The following RPL24 variants were observed in gnomAD, a reference collection of about 807,000 sequenced individuals.
RPL24 encodes ribosomal protein L24.
RPL24 carries 7 observed loss-of-function variants against 26.4 expected under a neutral mutation model. That is an observed-to-expected ratio of 0.27 (90% CI 0.15 to 0.50). The LOEUF (loss-of-function observed/expected upper bound fraction) is 0.50. RPL24 is among the 20% of genes least tolerant of loss of function. RPL24 has a pLI of 0.98. For synonymous variants in RPL24, 67 were observed against 65.2 expected (o/e 1.03, Z -0.13); for missense variants, 109 against 194.9 (o/e 0.56, Z 2.62).
intron 2 of RPL24, chr3:101,686,184 G>A: frequency 1.7e-6 from 1 of 575,260 alleles, no homozygotes; most frequent in South Asian, 2.2e-5. Flanking sequence ...GTCCTTCTGG[G>A]AAGCATTCTG....
chr3:101,684,957 G>A (rs370634071), intron 3 of RPL24, among the ~76,000 whole-genome samples: 5 of 150,916 alleles, frequency 3.3e-5, no homozygotes, highest in East Asian at 3.9e-4. Flanking sequence ...GAGTACAGCC[G>A]CTGCCACCAA....
intron 3 of RPL24, among the ~76,000 whole-genome samples, chr3:101,684,295 A>C (rs1387098655): frequency 6.6e-6 from 1 of 151,806 alleles, no homozygotes; most frequent in Non-Finnish European, 1.5e-5. Context: ...CCTCCCAAGT[A>C]GCTGGGACTA....
At chr3:101,683,739 T>C (rs1405230753) in intron 3 of RPL24, among the ~76,000 whole-genome samples, 3 of 151,470 alleles carry the variant, frequency 2.0e-5, no homozygotes, top group African/African-American at 7.3e-5. Context: ...GACTCAGCCT[T>C]GCTCTGTTGC....
intron 3 of RPL24, 102 bp from the exon 4 acceptor site, chr3:101,683,009 G>A: frequency 9.8e-7 from 1 of 1,016,148 alleles, no homozygotes; most frequent in Non-Finnish European, 1.4e-6. Context: ...AGTATTTTAA[G>A]ATTCATATTC....
At chr3:101,682,530 C>T in intron 4 of RPL24, 38 bp from the exon 5 acceptor site, 1 of 1,522,962 alleles carries the variant, frequency 6.6e-7, no homozygotes, top group Non-Finnish European at 9.1e-7. Context: ...AAGCACTTTA[C>T]TCCTTAGTGG....
intron 5 of RPL24, 101 bp downstream of exon 5, chr3:101,682,328 G>A (rs746752645): frequency 2.5e-5 from 23 of 920,630 alleles, no homozygotes; most frequent in South Asian, 1.1e-4. Context: ...ATCAGATCAC[G>A]CCACTGCACC....
chr3:101,682,885 G>T lies in RPL24; in HGVS notation c.215C>A (p.Thr72Asn), dbSNP rs752772018. The T allele has an allele frequency of 2.5e-6, 4 of 1,613,306 alleles. No individual in the cohort carries two copies. The highest frequency in any genetic ancestry group is 3.4e-6 in the Non-Finnish European group (4 of 1,179,512). The stretch of plus-strand genomic sequence containing the variant: ...CCTCTGGAATTTGACTGCTCGGCGG[G>T]TTCTTTTCTTTTGAATTTCTTCCTG... The part of the protein sequence containing the change: ...GQSEEIQKKR[T>N]RRAVKFQRAI... Residue 72 changes from threonine (T) to asparagine (N), a missense_variant, in exon 4 of 6, where the codon ACC becomes AAC. Thr to Asn is a moderately conservative substitution (Grantham distance 65). Transcript: ENST00000394077.
At chr3:101,684,332 A>G (rs534468219) in intron 3 of RPL24, among the ~76,000 whole-genome samples, 1 of 149,896 alleles carries the variant, frequency 6.7e-6, no homozygotes, top group African/African-American at 2.5e-5. Flanking sequence ...TGTCCGGCTA[A>G]TTTTTTTTTG....
In RPL24 at chr3:101,685,944, C is replaced by CA; in HGVS notation, c.82-17dup. On this transcript the variant is annotated splice_polypyrimidine_tract_variant and intron_variant, in intron 2 of 5. Coordinates refer to ENST00000394077, the MANE Select transcript of RPL24 (RefSeq NM_000986.4). The stretch of plus-strand genomic sequence containing the variant: ...ACTGGAAAACCTAGAGTGACAAATG[C>CA]AAAGGAATTACTATTTAACTATACA... The CA allele has an allele frequency of 6.7e-7, 1 of 1,502,498 alleles. No individual in the cohort carries two copies. The highest frequency in any genetic ancestry group is 9.3e-7 in the Non-Finnish European group (1 of 1,078,522). 93.1% of individuals were successfully genotyped at this position (1,502,498 alleles called of 1,614,324 possible).
At chr3:101,686,012 A>G (rs1937336769) in intron 2 of RPL24, 84 bp from the exon 3 acceptor site, 1 of 885,914 alleles carries the variant, frequency 1.1e-6, no homozygotes, top group South Asian at 1.4e-5. Context: ...TAGAAGATCA[A>G]TATGCTAGTT....
At chr3:101,681,459 T>A (rs1359518954) in intron 5 of RPL24, 4 of 483,160 alleles carry the variant, frequency 8.3e-6, no homozygotes, top group African/African-American at 7.8e-5. Flanking sequence ...CAGTGTAGGA[T>A]CCTGAAATGC....
chr3:101,686,644 C>T lies in RPL24; in HGVS notation c.5+28G>A, dbSNP rs550109310. 4 of 1,614,186 alleles carry T rather than the reference C, an allele frequency of 2.5e-6. No individual in the cohort carries two copies. The South Asian group carries it at 3.3e-5, about 13-fold the overall frequency. Reference sequence around the variant, plus strand: ...GAGGAGTTCTGCCCGAGGATGTAAGCGGATTGGGAACCACGGGTCGTGCTT... The same window carrying T: ...GAGGAGTTCTGCCCGAGGATGTAAGTGGATTGGGAACCACGGGTCGTGCTT... On this transcript the variant is annotated intron_variant, in intron 1 of 5. Transcript: ENST00000394077.
chr3:101,682,546 C>CTTAT lies in RPL24; in HGVS notation c.330-58_330-55dup. On this transcript the variant is annotated intron_variant, in intron 4 of 5. Transcript: ENST00000394077. ...AGCACTTTACTCCTTAGTGGTACAA[C>CTTAT]TTATTATTAGAGTTAGACTGTACTG... The CTTAT allele has an allele frequency of 2.1e-6, 3 of 1,426,096 alleles. 1 individual carries two copies. Among genetic ancestry groups the CTTAT allele is most frequent in the South Asian group, 2.3e-5 (2 of 85,774 alleles). The allele number at this position is 1,426,096 out of a possible 1,614,324, so 88.3% of individuals were successfully genotyped here.
intron 5 of RPL24, chr3:101,682,214 A>C (rs559740245): frequency 5.8e-5 from 30 of 514,316 alleles, no homozygotes; most frequent in East Asian, 2.8e-4. Context: ...AACAAACAAA[A>C]AATCAGCCGG....
At chr3:101,686,022 T>A in intron 2 of RPL24, 94 bp from the exon 3 acceptor site, 1 of 808,128 alleles carries the variant, frequency 1.2e-6, no homozygotes, top group Non-Finnish European at 2.1e-6. Flanking sequence ...ATATGCTAGT[T>A]CTGGCTTATC....
chr3:101,685,140 A>G (rs1937319414), intron 3 of RPL24, among the ~76,000 whole-genome samples: 2 of 151,580 alleles, frequency 1.3e-5, no homozygotes, highest in Non-Finnish European at 2.9e-5. Context: ...AAAGGTTCCA[A>G]TTTCTCCCCA....
chr3:101,685,389 C>T (rs977838746), intron 3 of RPL24, among the ~76,000 whole-genome samples: 4 of 152,266 alleles, frequency 2.6e-5, no homozygotes, highest in South Asian at 2.1e-4. Context: ...TCATGTATAA[C>T]CCAGCTAAAA....
rs758944028 is a variant in RPL24 at position 101,681,190 on chromosome 3, T to G, written c.419A>C (p.Gln140Pro). The G allele has an allele frequency of 6.2e-7, 1 of 1,613,940 alleles. No homozygotes were observed. Among genetic ancestry groups the G allele is most frequent in the South Asian group, 1.1e-5 (1 of 91,072 alleles). ...AKAPTKAAPK[Q>P]KIVKPVKVSA... ...AACTTTCACAGGCTTCACAATCTTT[T>G]GCTTAGGTGCTGCCTTTGTAGGTGC... The change falls in exon 6 of 6, where the codon CAA (glutamine) becomes CCA (proline). Residue 140 changes from glutamine (Q) to proline (P), a missense_variant. By Grantham distance (76) the Gln-to-Pro change is moderately conservative (BLOSUM62 -1). Coordinates refer to ENST00000394077, the MANE Select transcript of RPL24 (RefSeq NM_000986.4).
At chr3:101,682,258 C>T (rs571348754) in intron 5 of RPL24, 171 bp downstream of exon 5, 5 of 620,366 alleles carry the variant, frequency 8.1e-6, no homozygotes, top group South Asian at 1.9e-5. Flanking sequence ...CCCAGCTACT[C>T]GGGAGGCTGA....
Sources: gnomAD v4.1 joint callset for allele counts (sites outside exome capture counted in the v4.1 genomes callset) on GRCh38, gnomAD v4.1.1 for gene constraint, MANE v1.5 for transcripts, NCBI Gene and HGNC (gene_info 2026-07-23, HGNC 2026-07-21) for gene names.